Variants in DNAJC12 observed in about 807,000 individuals in gnomAD.
DNAJC12 encodes DnaJ heat shock protein family (Hsp40) member C12.
A neutral mutation model predicts 28.5 loss-of-function variants in DNAJC12; 25 were observed. The observed-to-expected ratio is 0.88, with a 90% CI of 0.64 to 1.22. The LOEUF (loss-of-function observed/expected upper bound fraction) is 1.22, where lower values mean the gene tolerates loss of function less well. Ranked by LOEUF, DNAJC12 falls within the 50% of genes most tolerant of loss-of-function variation. The pLI is 0.00. For missense variants in DNAJC12, 222 were observed against 231.7 expected, an observed-to-expected ratio of 0.96 and a Z score of 0.27; for synonymous variants, 77 against 80.6, an observed-to-expected ratio of 0.95 and a Z score of 0.24.
chr10:67,811,634 T>C lies in DNAJC12; in HGVS notation c.187A>G (p.Lys63Glu), dbSNP rs761235755. The C allele has an allele frequency of 6.2e-7, 1 of 1,613,916 alleles. No homozygotes were observed. The highest frequency in any genetic ancestry group is 8.5e-7 in the Non-Finnish European group (1 of 1,179,912). ...VETFQKLQKA[K>E]EILTNEESRA... ...CTCTCTTCATTGGTCAGAATCTCCTTTGCCTTCTGCAGTTTCTGAAAAGTC... is the reference window on the plus strand; with the variant it reads ...CTCTCTTCATTGGTCAGAATCTCCTCTGCCTTCTGCAGTTTCTGAAAAGTC... The change falls in exon 3 of 5, where the codon AAG (lysine) becomes GAG (glutamate). Residue 63 changes from lysine (K) to glutamate (E), a missense_variant. By Grantham distance (56) the Lys-to-Glu change is moderately conservative (BLOSUM62 1). Transcript: ENST00000225171.
intron 4 of DNAJC12, among the ~76,000 whole-genome samples, chr10:67,804,965 G>A (rs1299424203): frequency 6.6e-6 from 1 of 152,176 alleles, no homozygotes; most frequent in East Asian, 1.9e-4. Context: ...CCAGGAGGCA[G>A]AGGTTGCAAT....
At chr10:67,820,738 A>C (rs1014259821) in intron 2 of DNAJC12, among the ~76,000 whole-genome samples, 5 of 151,336 alleles carry the variant, frequency 3.3e-5, no homozygotes, top group African/African-American at 9.7e-5. Flanking sequence ...TTAATAAAGA[A>C]CCTTAAGACA....
intron 4 of DNAJC12, among the ~76,000 whole-genome samples, chr10:67,802,951 A>C (rs909524852): frequency 3.4e-5 from 5 of 149,186 alleles, no homozygotes; most frequent in African/African-American, 7.5e-5. Flanking sequence ...CCCCCCCCAC[A>C]CACACACCCG....
At chr10:67,819,787 A>G (rs1841965319) in intron 2 of DNAJC12, among the ~76,000 whole-genome samples, 1 of 143,918 alleles carries the variant, frequency 6.9e-6, no homozygotes, top group Non-Finnish European at 1.5e-5. Context: ...AGGGGAAGGA[A>G]GGAAGGAAGG....
At chr10:67,833,620 A>G (rs151120538) in intron 1 of DNAJC12, 7 of 279,762 alleles carry the variant, frequency 2.5e-5, no homozygotes, top group Non-Finnish European at 5.0e-5. Flanking sequence ...AACTATAGCA[A>G]TGTTAATTTT....
At chr10:67,797,956 C>T (rs1353714667) in intron 4 of DNAJC12, among the ~76,000 whole-genome samples, 3 of 150,372 alleles carry the variant, frequency 2.0e-5, no homozygotes, top group Admixed American at 6.6e-5. Flanking sequence ...AGGAGAATGG[C>T]GTGAACCCGG....
chr10:67,823,576 TAG>T (rs1279425301), intron 1 of DNAJC12, among the ~76,000 whole-genome samples, 184 bp from the exon 2 acceptor site: 1 of 152,010 alleles, frequency 6.6e-6, no homozygotes, highest in Admixed American at 6.6e-5. Context: ...TGACACATGT[TAG>T]TAGTCCCAGT....
At chr10:67,804,695 G>A (rs1841781328) in intron 4 of DNAJC12, among the ~76,000 whole-genome samples, 1 of 152,154 alleles carries the variant, frequency 6.6e-6, no homozygotes, top group Non-Finnish European at 1.5e-5. Context: ...TGCTTCAGTG[G>A]ATTTATAAAT....
chr10:67,834,091 A>C, intron 1 of DNAJC12: 1 of 457,956 alleles, frequency 2.2e-6, no homozygotes, highest in South Asian at 1.6e-5. Flanking sequence ...AAAATGAAGT[A>C]AATGTATGAT....
chr10:67,834,774 T>A (rs1485792246), intron 1 of DNAJC12, among the ~76,000 whole-genome samples: 1 of 152,108 alleles, frequency 6.6e-6, no homozygotes, highest in Non-Finnish European at 1.5e-5. Flanking sequence ...TGAGCTGAGA[T>A]CCTGCCACTG....
intron 4 of DNAJC12, among the ~76,000 whole-genome samples, chr10:67,800,185 G>A (rs1245753209): frequency 7.7e-6 from 1 of 130,212 alleles, no homozygotes; most frequent in Non-Finnish European, 1.5e-5. Flanking sequence ...TCACACCACT[G>A]CACTCCAGCC....
intron 3 of DNAJC12, among the ~76,000 whole-genome samples, chr10:67,809,726 G>GT (rs1326768749): frequency 6.6e-6 from 1 of 152,124 alleles, no homozygotes; most frequent in Non-Finnish European, 1.5e-5. Context: ...TCTAAGTGAA[G>GT]TAACTTAGGA....
At chr10:67,812,747 G>A (rs1480361237) in intron 2 of DNAJC12, among the ~76,000 whole-genome samples, 7 of 151,774 alleles carry the variant, frequency 4.6e-5, no homozygotes, top group African/African-American at 9.7e-5. Context: ...CCAGCTACTC[G>A]GGGGCTGAGG....
At chr10:67,811,691 TTC>T in intron 2 of DNAJC12, 28 bp from the exon 3 acceptor site, 1 of 1,604,604 alleles carries the variant, frequency 6.2e-7, no homozygotes, top group South Asian at 1.1e-5. Context: ...AAATGAGCAC[TTC>T]TCTCTCGGAG....
chr10:67,816,203 A>G (rs1260590414), intron 2 of DNAJC12: 1 of 397,486 alleles, frequency 2.5e-6, no homozygotes, highest in African/African-American at 2.1e-5. Flanking sequence ...GTCACATTTT[A>G]AATGTATGCC....
At chr10:67,824,779 T>G (rs1385768026) in intron 1 of DNAJC12, among the ~76,000 whole-genome samples, 1 of 151,996 alleles carries the variant, frequency 6.6e-6, no homozygotes, top group Non-Finnish European at 1.5e-5. Context: ...TGTCACCCAG[T>G]CTGGAGTGCA....
Position 67,824,877 on chromosome 10 carries a change from G to A in DNAJC12, c.79-1485C>T, listed in dbSNP as rs192423712. On this transcript the variant is annotated intron_variant, in intron 1 of 4. Coordinates refer to ENST00000225171, the MANE Select transcript of DNAJC12 (RefSeq NM_021800.3). The stretch of plus-strand genomic sequence containing the variant: ...GCCTCCCAAGTAGCTGGGATTACAG[G>A]TGCCCACCACCACGCCTGGCTAATT... Among the ~76,000 whole-genome samples the A allele has an allele frequency of 3.0e-3, 452 of 152,114 alleles. 2 individuals carry two copies. Among genetic ancestry groups the A allele is most frequent in the African/African-American group, 0.011 (438 of 41,508 alleles).
At chr10:67,806,342 TA>T (rs1445040511) in intron 3 of DNAJC12, among the ~76,000 whole-genome samples, 3 of 152,200 alleles carry the variant, frequency 2.0e-5, no homozygotes, top group Non-Finnish European at 4.4e-5. Context: ...CTCTCTGCCC[TA>T]ATCAAATCAA....
chr10:67,837,745 A>G (rs1436677134), intron 1 of DNAJC12, among the ~76,000 whole-genome samples, 189 bp downstream of exon 1: 2 of 152,212 alleles, frequency 1.3e-5, no homozygotes, highest in Admixed American at 6.5e-5. Flanking sequence ...ATAGGACACT[A>G]TTCAAGTAAA....
Sources: gnomAD v4.1 joint callset for allele counts (sites outside exome capture counted in the v4.1 genomes callset) on GRCh38, gnomAD v4.1.1 for gene constraint, MANE v1.5 for transcripts, NCBI Gene and HGNC (gene_info 2026-07-23, HGNC 2026-07-21) for gene names.